Variants in BORA observed in about 807,000 individuals in gnomAD.
BORA encodes the protein protein aurora borealis.
BORA carries 26 observed loss-of-function variants against 55.8 expected under a neutral mutation model. That is an observed-to-expected ratio of 0.47 (90% CI 0.34 to 0.65). The LOEUF (loss-of-function observed/expected upper bound fraction) is 0.65. BORA is among the 30% of genes least tolerant of loss of function. BORA has a pLI of 0.01. For missense variants in BORA, 568 were observed against 671.5 expected (o/e 0.85, Z 1.70); for synonymous variants, 201 against 216.9 (o/e 0.93, Z 0.64).
At chr13:72,740,741 TA>T (rs2033018770) in intron 5 of BORA, among the ~76,000 whole-genome samples, 1 of 152,198 alleles carries the variant, frequency 6.6e-6, no homozygotes, top group South Asian at 2.1e-4. Context: ...TGTGTACCAG[TA>T]AAACTGTATT....
At position 72,756,093 on chromosome 13, in the gene BORA, A is replaced by G. The variant is rs896420322; in HGVS notation, c.*877A>G. On this transcript the variant is annotated 3_prime_UTR_variant, in exon 12 of 12. Transcript: ENST00000390667. ...ATCCATGTTGGGAGTAGATGGGTAT[A>G]TAACAGTTTGGAAATACTATCTTTG... 1.3e-5 allele frequency: 5 copies of G among 396,986 alleles called. No individual in the cohort carries two copies. Among genetic ancestry groups the G allele is most frequent in the Non-Finnish European group, 2.2e-5 (5 of 225,576 alleles). 24.6% of individuals were successfully genotyped at this position (396,986 alleles called of 1,614,324 possible). A position where few individuals can be genotyped will look rare whatever the true frequency, so the allele number is the denominator to read the frequency against.
At chr13:72,755,078 AAC>A (rs1414238431) in intron 11 of BORA, 71 bp from the exon 12 acceptor site, 1 of 1,311,524 alleles carries the variant, frequency 7.6e-7, no homozygotes, top group Non-Finnish European at 1.1e-6. Context: ...AGGTTTTAAA[AAC>A]AGTCCCGATA....
intron 2 of BORA, among the ~76,000 whole-genome samples, 171 bp downstream of exon 2, chr13:72,729,264 G>T (rs2032757629): frequency 7.0e-6 from 1 of 143,292 alleles, no homozygotes; most frequent in Non-Finnish European, 1.5e-5. Context: ...TAGTGGTTAG[G>T]TTAATAAGTT....
intron 10 of BORA, among the ~76,000 whole-genome samples, chr13:72,749,423 T>C (rs1175811156): frequency 6.6e-6 from 1 of 152,196 alleles, no homozygotes; most frequent in Non-Finnish European, 1.5e-5. Context: ...TCTTGGATCT[T>C]TTCTTGAATA....
chr13:72,742,763 TATATACACACACACACAC>T (rs1478995401), intron 5 of BORA, among the ~76,000 whole-genome samples: 6 of 45,908 alleles, frequency 1.3e-4, no homozygotes, highest in African/African-American at 3.8e-4. Context: ...GATATATATA[TATATACACACACACACAC>T]ACACACACAC....
chr13:72,734,385 G>T (rs1398426226), intron 3 of BORA, among the ~76,000 whole-genome samples: 1 of 152,022 alleles, frequency 6.6e-6, no homozygotes, highest in Admixed American at 6.5e-5. Context: ...ATTAAATCTT[G>T]TAGCTGAGAA....
intron 8 of BORA, 140 bp from the exon 9 acceptor site, chr13:72,745,801 TTTG>T (rs1351458122): frequency 3.5e-6 from 2 of 572,026 alleles, no homozygotes; most frequent in Non-Finnish European, 5.7e-6. Flanking sequence ...CTTAGTTGTC[TTTG>T]TTGCAAGGTG....
At chr13:72,733,763 C>T (rs1421103691) in intron 3 of BORA, among the ~76,000 whole-genome samples, 1 of 152,102 alleles carries the variant, frequency 6.6e-6, no homozygotes, top group East Asian at 1.9e-4. Context: ...ATACTTCTCC[C>T]ACTTGAAAAA....
At chr13:72,751,472 A>C (rs2033271875) in intron 10 of BORA, among the ~76,000 whole-genome samples, 1 of 152,208 alleles carries the variant, frequency 6.6e-6, no homozygotes, top group Non-Finnish European at 1.5e-5. Flanking sequence ...ACTGGAGGAC[A>C]TTAAGTGAAA....
At chr13:72,750,576 T>C (rs866240819) in intron 10 of BORA, among the ~76,000 whole-genome samples, 1 of 152,132 alleles carries the variant, frequency 6.6e-6, no homozygotes, top group African/African-American at 2.4e-5. Flanking sequence ...CCCACATGCT[T>C]AGTGTTCCAG....
chr13:72,738,059 A>T lies in BORA; in HGVS notation c.388+16A>T. ...TCCAGTAAATGTGAGTGTACTAAAA[A>T]TGATATGAATAAAAATCAAAAAAGT... On this transcript the variant is annotated intron_variant, in intron 5 of 11. Transcript: ENST00000390667. 1.9e-6 allele frequency: 3 copies of T among 1,556,504 alleles called. No homozygotes were observed. Among genetic ancestry groups the T allele is most frequent in the Non-Finnish European group, 1.8e-6 (2 of 1,139,532 alleles).
chr13:72,729,106 T>C lies in BORA; in HGVS notation c.153+13T>C. 4 of 1,523,836 alleles carry C rather than the reference T, an allele frequency of 2.6e-6. No homozygotes were observed. Among genetic ancestry groups the C allele is most frequent in the Non-Finnish European group, 2.6e-6 (3 of 1,136,772 alleles). The allele number at this position is 1,523,836 out of a possible 1,614,324, so 94.4% of individuals were successfully genotyped here. ...AACAAAATTACCAGTAAGTTATTCC[T>C]GACTAGTGTTTACAACTAATTTTAA... On this transcript the variant is annotated intron_variant, in intron 2 of 11. Transcript: ENST00000390667.
In BORA at chr13:72,731,359, C is replaced by T. The variant is rs1351632765; in HGVS notation, c.232C>T (p.Arg78Cys). Residue 78 changes from arginine to cysteine, a missense_variant, in exon 3 of 12, where the codon CGT becomes TGT. By Grantham distance (180) the Arg-to-Cys change is radical. Transcript: ENST00000390667. ...PVEIDPEDIH[R>C]QALYLSHSRI... The stretch of plus-strand genomic sequence containing the variant: ...AGAAATAGACCCAGAAGATATTCAT[C>T]GTCAAGCTTTATACTTAAGTCATTC... 2.5e-6 allele frequency: 4 copies of T among 1,610,440 alleles called. No homozygotes were observed. The highest frequency in any genetic ancestry group is 2.5e-6 in the Non-Finnish European group (3 of 1,177,446).
chr13:72,737,289 G>A (rs2032949619), intron 4 of BORA, among the ~76,000 whole-genome samples: 1 of 152,086 alleles, frequency 6.6e-6, no homozygotes, highest in Non-Finnish European at 1.5e-5. Context: ...TCCAACCATG[G>A]CCAGTTTCAA....
intron 5 of BORA, among the ~76,000 whole-genome samples, chr13:72,741,341 AT>A (rs1408824846): frequency 2.0e-5 from 3 of 152,130 alleles, no homozygotes; most frequent in Non-Finnish European, 4.4e-5. Flanking sequence ...CCTATAGGTT[AT>A]TTGACATTCT....
intron 4 of BORA, among the ~76,000 whole-genome samples, 189 bp from the exon 5 acceptor site, chr13:72,737,773 G>A (rs2032957304): frequency 6.6e-6 from 1 of 152,100 alleles, no homozygotes; most frequent in Admixed American, 6.5e-5. Flanking sequence ...TTGATTTGAA[G>A]TATTAAGATT....
Position 72,745,975 on chromosome 13 carries a change from G to T in BORA, c.770G>T (p.Ser257Ile), listed in dbSNP as rs748835998. The change falls in exon 9 of 12, where the codon AGT becomes ATT. Residue 257 changes from serine to isoleucine, a missense_variant. By Grantham distance (142) the Ser-to-Ile change is moderately radical. Coordinates refer to ENST00000390667, the MANE Select transcript of BORA (RefSeq NM_024808.5). ...TTTTCTTCTAGCCCTATTCAGGCTAGTGCAAAAAAATACAGCTTGGGAAGC... is the reference window on the plus strand; with the variant it reads ...TTTTCTTCTAGCCCTATTCAGGCTATTGCAAAAAAATACAGCTTGGGAAGC... ...GQFSSSPIQA[S>I]AKKYSLGSIT... The T allele has an allele frequency of 6.2e-7, 1 of 1,612,982 alleles. No individual in the cohort carries two copies. Among genetic ancestry groups the T allele is most frequent in the Non-Finnish European group, 8.5e-7 (1 of 1,179,254 alleles).
intron 2 of BORA, 141 bp from the exon 3 acceptor site, chr13:72,731,140 T>A (rs2032806715): frequency 1.7e-6 from 1 of 604,728 alleles, no homozygotes. Context: ...CCATTTAATT[T>A]CATGGTAAAG....
rs2033132467 is a variant in BORA, at chr13:72,746,012, T to G, written c.807T>G (p.Pro269=). The G allele has an allele frequency of 6.2e-7, 1 of 1,612,538 alleles. No homozygotes were observed. The highest frequency in any genetic ancestry group is 1.7e-5 in the Admixed American group (1 of 59,998). ...ACAGCTTGGGAAGCATAACTAGTCC[T>G]TCGCCTATTTCTTCACCCACTTTCT... is the stretch of plus-strand genomic sequence containing the variant. ...KKYSLGSITS[P]SPISSPTFSP... is the part of the protein sequence containing the mutation. The change falls in exon 9 of 12, where the codon CCT becomes CCG. Residue 269 remains proline, a synonymous_variant. Coordinates refer to ENST00000390667, the MANE Select transcript of BORA (RefSeq NM_024808.5).
Sources: allele counts gnomAD v4.1 joint callset (sites outside exome capture counted in the v4.1 genomes callset), GRCh38; gene constraint gnomAD v4.1.1; transcripts MANE v1.5; gene names NCBI Gene and HGNC (gene_info 2026-07-23, HGNC 2026-07-21).